Variants in PROKR1 observed in about 807,000 individuals in gnomAD.
PROKR1 encodes the protein G protein-coupled receptor 73.
In PROKR1, 21 loss-of-function variants were observed where a neutral mutation model predicts 22.8. That is an observed-to-expected ratio of 0.92 (90% CI 0.65 to 1.32). The LOEUF (loss-of-function observed/expected upper bound fraction) is 1.32, where lower values mean the gene tolerates loss of function less well. PROKR1 is among the 40% of genes most tolerant of loss of function. The pLI, the probability that PROKR1 is intolerant of heterozygous loss-of-function variation, is 0.00. For synonymous variants in PROKR1, 193 were observed against 207.5 expected (o/e 0.93, Z 0.60); for missense variants, 548 against 514.2 (o/e 1.07, Z -0.64).
intron 2 of PROKR1, 116 bp downstream of exon 2, chr2:68,646,422 T>A: frequency 7.0e-7 from 1 of 1,431,532 alleles, no homozygotes; most frequent in South Asian, 1.2e-5. Flanking sequence ...TCCCCCTAGA[T>A]GTGGTTGCAT....
At chr2:68,651,381 C>G (rs1466811942) in intron 2 of PROKR1, among the ~76,000 whole-genome samples, 3 of 151,928 alleles carry the variant, frequency 2.0e-5, no homozygotes. Flanking sequence ...AAAGACAAAA[C>G]AAAACAAAAA....
chr2:68,646,396 T>TGA, intron 2 of PROKR1, 90 bp downstream of exon 2: 1 of 1,549,440 alleles, frequency 6.5e-7, no homozygotes, highest in African/African-American at 1.4e-5. Context: ...TGCAGATTGA[T>TGA]GAGAGGTGTC....
intron 2 of PROKR1, chr2:68,649,371 T>G (rs1673262434): frequency 1.3e-5 from 2 of 152,246 alleles, no homozygotes; most frequent in Admixed American, 1.3e-4. Context: ...TTGGTCTTCC[T>G]GCCTTCAGTG....
Position 68,655,377 on chromosome 2 carries a change from A to T in PROKR1, c.983A>T (p.Glu328Val). The change falls in exon 3 of 3, where the codon GAG (glutamate) becomes GTG (valine). Residue 328 changes from glutamate (E) to valine (V), a missense_variant. Physicochemically the swap from Glu to Val is moderately radical, Grantham distance 121 (BLOSUM62 -2). Coordinates refer to ENST00000303786, the MANE Select transcript of PROKR1 (RefSeq NM_138964.4). Reference sequence around the variant, plus strand: ...TACCTCACTGCCTTCTACATCGTCGAGTGCATCGCCATGAGCAACAGCATG... The same window carrying T: ...TACCTCACTGCCTTCTACATCGTCGTGTGCATCGCCATGAGCAACAGCATG... Reference protein sequence around the residue: ...KHYLTAFYIVECIAMSNSMIN... With the variant: ...KHYLTAFYIVVCIAMSNSMIN... 1 of 1,614,194 alleles carries T rather than the reference A, an allele frequency of 6.2e-7. No homozygotes were observed. Among genetic ancestry groups the T allele is most frequent in the South Asian group, 1.1e-5 (1 of 91,086 alleles).
At chr2:68,648,967 A>G (rs1673248009) in intron 2 of PROKR1, among the ~76,000 whole-genome samples, 1 of 152,210 alleles carries the variant, frequency 6.6e-6, no homozygotes, top group Non-Finnish European at 1.5e-5. Context: ...AATATATTTA[A>G]TTTCTTAGAA....
intron 1 of PROKR1, 49 bp from the exon 2 acceptor site, chr2:68,645,613 G>T: frequency 1.5e-6 from 1 of 678,736 alleles, no homozygotes; most frequent in Non-Finnish European, 2.5e-6. Context: ...TTTTGAATTT[G>T]GCCAGCTTTA....
At position 68,656,142 on chromosome 2, in the gene PROKR1, T is replaced by TTTAATGATACGGCGA; in HGVS notation, c.*566_*567insTTAATGATACGGCGA. On this transcript the variant is annotated 3_prime_UTR_variant, in exon 3 of 3. Transcript: ENST00000303786. ...CATGGCCAAGTTCTGTGCAAACTCT[T>TTTAATGATACGGCGA]CCTCCCACACTGCTCTATGGCCACC... is the stretch of plus-strand genomic sequence containing the variant. 1 of 184,464 alleles carries TTTAATGATACGGCGA rather than the reference T, an allele frequency of 5.4e-6. No homozygotes were observed. Among genetic ancestry groups the TTTAATGATACGGCGA allele is most frequent in the Non-Finnish European group, 1.1e-5 (1 of 87,098 alleles). The allele number at this position is 184,464 out of a possible 1,614,324, so 11.4% of individuals were successfully genotyped here.
Position 68,645,723 on chromosome 2 carries a change from A to G in PROKR1, c.-99A>G. The G allele has an allele frequency of 6.5e-7, 1 of 1,538,640 alleles. No individual in the cohort carries two copies. The highest frequency in any genetic ancestry group is 1.4e-5 in the African/African-American group (1 of 73,442). ...GCTGGCAGAGACATTCTGACTCATT[A>G]AGGGAGAGCTGGCTGATAGCAGAGA... On this transcript the variant is annotated 5_prime_UTR_variant, in exon 2 of 3. Transcript: ENST00000303786.
chr2:68,654,848 A>G lies in PROKR1; in HGVS notation c.486-32A>G, dbSNP rs756962105. On this transcript the variant is annotated intron_variant, in intron 2 of 2. Coordinates refer to ENST00000303786, the MANE Select transcript of PROKR1 (RefSeq NM_138964.4). ...AGATTATCCAGCACTTCTTTCTCAC[A>G]GTGGCTGCCTCCACTTGTGTTCTTG... 19 of 1,542,150 alleles carry G rather than the reference A, an allele frequency of 1.2e-5. No individual in the cohort carries two copies. The South Asian group carries it at 1.4e-4, about 12-fold the overall frequency.
rs551335675 is a variant in PROKR1, at chr2:68,655,233, G to A, written c.839G>A (p.Arg280Lys). The A allele has an allele frequency of 1.4e-5, 22 of 1,614,252 alleles. No homozygotes were observed. The South Asian group carries it at 2.1e-4, about 15-fold the overall frequency. ...EQIRKRLRCRRKTVLVLMCIL... is the reference protein window; with the variant it reads ...EQIRKRLRCRKKTVLVLMCIL... The stretch of plus-strand genomic sequence containing the variant: ...ATCCGCAAGAGGCTGCGCTGCCGCA[G>A]GAAGACGGTCCTGGTGCTCATGTGC... The change falls in exon 3 of 3, where the codon AGG becomes AAG. Residue 280 changes from arginine to lysine, a missense_variant. Coordinates refer to ENST00000303786, the MANE Select transcript of PROKR1 (RefSeq NM_138964.4).
rs931983420 is a variant in PROKR1, at chr2:68,657,624, G to A, written c.*2048G>A. The A allele has an allele frequency of 4.6e-5, 7 of 152,278 alleles. No individual in the cohort carries two copies. Among genetic ancestry groups the A allele is most frequent in the South Asian group, 2.1e-4 (1 of 4,828 alleles). The allele number at this position is 152,278 out of a possible 1,614,324, so 9.4% of individuals were successfully genotyped here. A position where few individuals can be genotyped will look rare whatever the true frequency, so the allele number is the denominator to read the frequency against. On this transcript the variant is annotated 3_prime_UTR_variant, in exon 3 of 3. Transcript: ENST00000303786. The stretch of plus-strand genomic sequence containing the variant: ...TTTCTCAGTCTGTTTTTATTCTCAC[G>A]AGTGTGTAGGCTACAGCGTGGACTT...
rs1025350162 is a variant in PROKR1 at position 68,655,005 on chromosome 2, C to T, written c.611C>T (p.Thr204Met). 4 of 1,613,720 alleles carry T rather than the reference C, an allele frequency of 2.5e-6. No homozygotes were observed. Among genetic ancestry groups the T allele is most frequent in the Non-Finnish European group, 3.4e-6 (4 of 1,180,008 alleles). The change falls in exon 3 of 3, where the codon ACG becomes ATG. Residue 204 changes from threonine (T) to methionine (M), a missense_variant. Thr to Met is a moderately conservative substitution (Grantham distance 81). Coordinates refer to ENST00000303786, the MANE Select transcript of PROKR1 (RefSeq NM_138964.4). ...CCTTCCGCCTACTTCACCACCGAGA[C>T]GGTCCTCGTCATTGTCAAGAGCCAG... ...AIPSAYFTTETVLVIVKSQEK... is the reference protein window; with the variant it reads ...AIPSAYFTTEMVLVIVKSQEK...
At chr2:68,647,710 CA>C (rs1158612749) in intron 2 of PROKR1, among the ~76,000 whole-genome samples, 23 of 152,294 alleles carry the variant, frequency 1.5e-4, no homozygotes, top group African/African-American at 5.5e-4. Flanking sequence ...GGAAGGACAT[CA>C]GGAAGTTAGC....
Position 68,645,966 on chromosome 2 carries a change from G to A in PROKR1, c.145G>A (p.Asp49Asn). The change falls in exon 2 of 3, where the codon GAT becomes AAT. Residue 49 changes from aspartate to asparagine, a missense_variant. Physicochemically the swap from Asp to Asn is conservative, Grantham distance 23. Coordinates refer to ENST00000303786, the MANE Select transcript of PROKR1 (RefSeq NM_138964.4). ...YSDYDMPLDE[D>N]EDVTNSRTFF... ...CGACTATGATATGCCTTTGGATGAA[G>A]ATGAGGATGTGACCAATTCCAGGAC... 1 of 1,614,240 alleles carries A rather than the reference G, an allele frequency of 6.2e-7. No individual in the cohort carries two copies. Among genetic ancestry groups the A allele is most frequent in the Non-Finnish European group, 8.5e-7 (1 of 1,180,044 alleles).
intron 1 of PROKR1, among the ~76,000 whole-genome samples, chr2:68,644,596 G>T (rs1439883732): frequency 6.6e-6 from 1 of 152,176 alleles, no homozygotes; most frequent in African/African-American, 2.4e-5. Context: ...TTTCCTGGGG[G>T]TGGGGAGGTG....
In PROKR1 at chr2:68,645,954, C is replaced by T; in HGVS notation, c.133C>T (p.Pro45Ser). Residue 45 changes from proline to serine, a missense_variant, in exon 2 of 3, where the codon CCT becomes TCT. Coordinates refer to ENST00000303786, the MANE Select transcript of PROKR1 (RefSeq NM_138964.4). ...FNFSYSDYDM[P>S]LDEDEDVTNS... The stretch of plus-strand genomic sequence containing the variant: ...CTTCAGCTACAGCGACTATGATATG[C>T]CTTTGGATGAAGATGAGGATGTGAC... The T allele has an allele frequency of 1.9e-6, 3 of 1,614,210 alleles. No homozygotes were observed. The highest frequency in any genetic ancestry group is 1.1e-5 in the South Asian group (1 of 91,074).
At chr2:68,650,546 G>C (rs965184448) in intron 2 of PROKR1, among the ~76,000 whole-genome samples, 1 of 152,082 alleles carries the variant, frequency 6.6e-6, no homozygotes, top group South Asian at 2.1e-4. Flanking sequence ...CTTTTTACAT[G>C]TCTATTCACC....
chr2:68,649,473 A>C (rs1573334942), intron 2 of PROKR1: 1 of 152,210 alleles, frequency 6.6e-6, no homozygotes, highest in East Asian at 1.9e-4. Flanking sequence ...CCATTTTTAT[A>C]GAGTAACTGT....
chr2:68,649,154 A>G lies in PROKR1; in HGVS notation c.485+2848A>G, dbSNP rs111908910. On this transcript the variant is annotated intron_variant, in intron 2 of 2. Coordinates refer to ENST00000303786, the MANE Select transcript of PROKR1 (RefSeq NM_138964.4). ...TGATGTGATTTAAAAAAAATACAAGATTTTTACAAAATGCCAGAACAGAAC... is the reference window on the plus strand; with the variant it reads ...TGATGTGATTTAAAAAAAATACAAGGTTTTTACAAAATGCCAGAACAGAAC... Among the ~76,000 whole-genome samples the G allele has an allele frequency of 4.7e-3, 715 of 152,282 alleles. 2 individuals are homozygous for G. The highest frequency in any genetic ancestry group is 7.7e-3 in the Non-Finnish European group (521 of 68,032).
Sources: gnomAD v4.1 joint callset for allele counts (sites outside exome capture counted in the v4.1 genomes callset) on GRCh38, gnomAD v4.1.1 for gene constraint, MANE v1.5 for transcripts, NCBI Gene and HGNC (gene_info 2026-07-23, HGNC 2026-07-21) for gene names.